The following NEK3 variants were observed in gnomAD, a reference collection of about 807,000 sequenced individuals.
NEK3 encodes serine/threonine-protein kinase Nek3.
NEK3 carries 54 observed loss-of-function variants against 66.0 expected under a neutral mutation model. The observed-to-expected ratio is 0.82, with a 90% CI of 0.66 to 1.03. The LOEUF (loss-of-function observed/expected upper bound fraction) is 1.03, where lower values mean the gene tolerates loss of function less well. Among genes scored for constraint, NEK3 ranks in the 50% least tolerant of loss-of-function variants. The pLI is 0.00. For synonymous variants in NEK3, 200 were observed against 206.2 expected (o/e 0.97, Z 0.26); for missense variants, 593 against 603.0 (o/e 0.98, Z 0.17).
At chr13:52,144,167 A>G (rs1328711445) in intron 9 of NEK3, among the ~76,000 whole-genome samples, 180 bp from the exon 10 acceptor site, 1 of 152,208 alleles carries the variant, frequency 6.6e-6, no homozygotes, top group Non-Finnish European at 1.5e-5. Context: ...TAATCCCAGC[A>G]CTTTGGGAAG....
intron 13 of NEK3, 49 bp downstream of exon 13, chr13:52,136,067 T>C (rs1167576666): frequency 1.2e-6 from 2 of 1,603,900 alleles, no homozygotes; most frequent in South Asian, 1.1e-5. Flanking sequence ...TAAGTAACTA[T>C]TAGAAAAAGT....
At chr13:52,157,253 C>T (rs1566864281) in intron 1 of NEK3, 2 of 152,130 alleles carry the variant, frequency 1.3e-5, no homozygotes, top group Non-Finnish European at 2.9e-5. Context: ...AGCTCAGAGA[C>T]ACAGGCCAGT....
chr13:52,143,675 T>C (rs1338797843), intron 10 of NEK3, among the ~76,000 whole-genome samples: 1 of 152,244 alleles, frequency 6.6e-6, no homozygotes, highest in Non-Finnish European at 1.5e-5. Flanking sequence ...GAACTAATAA[T>C]GACAGCATAA....
chr13:52,136,701 A>C, intron 12 of NEK3, 99 bp downstream of exon 12: 1 of 635,502 alleles, frequency 1.6e-6, no homozygotes, highest in Non-Finnish European at 2.6e-6. Context: ...AACAAATATC[A>C]GCTTGTACTC....
chr13:52,148,614 T>C (rs1956313747), intron 7 of NEK3, 145 bp from the exon 8 acceptor site: 1 of 643,364 alleles, frequency 1.6e-6, no homozygotes, highest in Non-Finnish European at 2.7e-6. Context: ...ACCTAGATAC[T>C]TCCTAAGAGT....
intron 1 of NEK3, among the ~76,000 whole-genome samples, chr13:52,157,688 C>T (rs1956406764): frequency 6.6e-6 from 1 of 152,158 alleles, no homozygotes; most frequent in South Asian, 2.1e-4. Context: ...CAGGATGAAG[C>T]AGCTAGCGGG....
At chr13:52,159,428 G>C in intron 1 of NEK3, 115 bp downstream of exon 1, 1 of 146,396 alleles carries the variant, frequency 6.8e-6, no homozygotes, top group African/African-American at 2.8e-5. Flanking sequence ...GGAAGTGAGG[G>C]GCGCGGCCGC....
chr13:52,133,098 G>GT lies in NEK3; in HGVS notation c.*43dup, dbSNP rs749705492. On this transcript the variant is annotated 3_prime_UTR_variant, in exon 16 of 16. Transcript: ENST00000610828. Reference sequence around the variant, plus strand: ...TGATCATCTCAGCATGAACTCCTGAGTGAAGCCTCTCCTCAGCGTGACTCA... The same window carrying GT: ...TGATCATCTCAGCATGAACTCCTGAGTTGAAGCCTCTCCTCAGCGTGACTCA... The GT allele has an allele frequency of 6.8e-7, 1 of 1,481,406 alleles. No individual in the cohort carries two copies. Among genetic ancestry groups the GT allele is most frequent in the Non-Finnish European group, 9.3e-7 (1 of 1,071,880 alleles). 91.8% of individuals were successfully genotyped at this position (1,481,406 alleles called of 1,614,324 possible).
chr13:52,133,615 T>TCACTCACACACA, intron 15 of NEK3, 74 bp downstream of exon 15: 2 of 1,308,468 alleles, frequency 1.5e-6, no homozygotes, highest in Non-Finnish European at 1.0e-6. Flanking sequence ...CTAATTTAAA[T>TCACTCACACACA]CACACACACA....
chr13:52,158,948 G>A (rs1460579451), intron 1 of NEK3, among the ~76,000 whole-genome samples: 1 of 152,138 alleles, frequency 6.6e-6, no homozygotes, highest in African/African-American at 2.4e-5. Flanking sequence ...GGGATTTCGT[G>A]TAAACTTCAA....
chr13:52,145,708 T>C (rs1956290058), intron 8 of NEK3, among the ~76,000 whole-genome samples: 1 of 152,238 alleles, frequency 6.6e-6, no homozygotes, highest in Non-Finnish European at 1.5e-5. Flanking sequence ...CACCGTGGGA[T>C]ATACAATGAC....
intron 10 of NEK3, among the ~76,000 whole-genome samples, chr13:52,143,187 A>T (rs986935995): frequency 2.0e-5 from 3 of 152,144 alleles, no homozygotes; most frequent in Non-Finnish European, 4.4e-5. Context: ...ATGGTGGCAC[A>T]TGCCTGTAAT....
At chr13:52,140,049 C>CAAAAA (rs34051162) in intron 11 of NEK3, among the ~76,000 whole-genome samples, 1 of 86,656 alleles carries the variant, frequency 1.2e-5, no homozygotes, top group Non-Finnish European at 2.0e-5. Context: ...AAAAAAATGC[C>CAAAAA]AAAAAAAAAA....
intron 11 of NEK3, among the ~76,000 whole-genome samples, chr13:52,139,726 C>T (rs1185990361): frequency 6.6e-6 from 1 of 152,018 alleles, no homozygotes; most frequent in Non-Finnish European, 1.5e-5. Context: ...TAGCAAAACC[C>T]CATCTCTACA....
chr13:52,139,454 A>G (rs1956230140), intron 11 of NEK3, among the ~76,000 whole-genome samples: 1 of 152,208 alleles, frequency 6.6e-6, no homozygotes, highest in African/African-American at 2.4e-5. Context: ...TAACAGGTAC[A>G]GAGTTTCTGT....
chr13:52,153,793 C>A, intron 4 of NEK3, 102 bp downstream of exon 4: 2 of 754,238 alleles, frequency 2.7e-6, no homozygotes, highest in Non-Finnish European at 4.4e-6. Flanking sequence ...TCTACCTTCT[C>A]GGGTAATTAC....
At chr13:52,147,983 A>G (rs1386885970) in intron 8 of NEK3, among the ~76,000 whole-genome samples, 1 of 152,138 alleles carries the variant, frequency 6.6e-6, no homozygotes, top group African/African-American at 2.4e-5. Context: ...GCAACAGAGC[A>G]AGATTCCATC....
chr13:52,143,141 A>G (rs973011506), intron 10 of NEK3, among the ~76,000 whole-genome samples: 2 of 151,986 alleles, frequency 1.3e-5, no homozygotes, highest in Non-Finnish European at 2.9e-5. Flanking sequence ...ACATGGTGAA[A>G]CCCCATCTCT....
chr13:52,142,922 A>G (rs1956263351), intron 10 of NEK3, among the ~76,000 whole-genome samples: 2 of 152,224 alleles, frequency 1.3e-5, no homozygotes, highest in South Asian at 4.1e-4. Flanking sequence ...AAGAGACAAT[A>G]AATTAAATTT....
Sources: gnomAD v4.1 joint callset for allele counts (sites outside exome capture counted in the v4.1 genomes callset) on GRCh38, gnomAD v4.1.1 for gene constraint, MANE v1.5 for transcripts, NCBI Gene and HGNC (gene_info 2026-07-23, HGNC 2026-07-21) for gene names.